GDPD1: variants seen among roughly 807,000 people sequenced by gnomAD.
GDPD1 encodes the protein lysophospholipase D GDPD1.
In GDPD1, 28 loss-of-function variants were observed where a neutral mutation model predicts 45.1. That is an observed-to-expected ratio of 0.62 (90% CI 0.46 to 0.85). GDPD1 has a LOEUF of 0.85. Ranked by LOEUF, GDPD1 falls within the 40% of genes least tolerant of loss-of-function variation. The pLI, the probability that GDPD1 is intolerant of heterozygous loss-of-function variation, is 0.00. For missense variants in GDPD1, 256 were observed against 364.8 expected (o/e 0.70, Z 2.43); for synonymous variants, 139 against 131.4 (o/e 1.06, Z -0.40).
At chr17:59,252,485 C>G (rs1056005495) in intron 4 of GDPD1, among the ~76,000 whole-genome samples, 1 of 151,834 alleles carries the variant, frequency 6.6e-6, no homozygotes, top group Non-Finnish European at 1.5e-5. Flanking sequence ...GTGATCCACC[C>G]ACATCAGCGT....
At chr17:59,241,746 G>A (rs1184638156) in intron 2 of GDPD1, among the ~76,000 whole-genome samples, 1 of 151,950 alleles carries the variant, frequency 6.6e-6, no homozygotes, top group African/African-American at 2.4e-5. Context: ...CTGGCCACAT[G>A]GTGAAACCTC....
intron 1 of GDPD1, among the ~76,000 whole-genome samples, chr17:59,231,865 C>T (rs111638832): frequency 0.18 from 27,056 of 151,896 alleles, 2,529 homozygotes; most frequent in East Asian, 0.27. Flanking sequence ...TGGGCTCAAG[C>T]GATCTTTCTA....
chr17:59,233,373 G>T (rs1169472610), intron 1 of GDPD1, among the ~76,000 whole-genome samples: 1 of 151,936 alleles, frequency 6.6e-6, no homozygotes, highest in African/African-American at 2.4e-5. Flanking sequence ...TTAGCCGGGC[G>T]TGGTGGTGGG....
intron 4 of GDPD1, among the ~76,000 whole-genome samples, chr17:59,251,618 A>G (rs1466404330): frequency 6.6e-6 from 1 of 152,148 alleles, no homozygotes; most frequent in Non-Finnish European, 1.5e-5. Flanking sequence ...CTTTCATTTT[A>G]TATTGCATTC....
Position 59,220,672 on chromosome 17 carries a change from C to A in GDPD1, c.63C>A (p.Phe21Leu). 4.3e-6 allele frequency: 7 copies of A among 1,614,098 alleles called. No homozygotes were observed. Among genetic ancestry groups the A allele is most frequent in the Non-Finnish European group, 5.9e-6 (7 of 1,179,960 alleles). Residue 21 changes from phenylalanine (F) to leucine (L), a missense_variant, in exon 1 of 10, where the codon TTC becomes TTA. By Grantham distance (22) the Phe-to-Leu change is conservative. Coordinates refer to ENST00000284116, the MANE Select transcript of GDPD1 (RefSeq NM_182569.4). ...TAGGAGGATACTTGGTGACCTCATT[C>A]TTGTTGCTTAAATACCCGACCTTGC... Reference protein sequence around the residue: ...STLGGYLVTSFLLLKYPTLLH... With the variant: ...STLGGYLVTSLLLLKYPTLLH...
At chr17:59,256,863 T>C (rs1009569973) in intron 4 of GDPD1, among the ~76,000 whole-genome samples, 1 of 152,192 alleles carries the variant, frequency 6.6e-6, no homozygotes, top group African/African-American at 2.4e-5. Flanking sequence ...TTTATTTTTA[T>C]GTGAAAATAT....
At chr17:59,253,937 G>A (rs539251964) in intron 4 of GDPD1, among the ~76,000 whole-genome samples, 1 of 151,780 alleles carries the variant, frequency 6.6e-6, no homozygotes, top group South Asian at 2.1e-4. Context: ...ATGTTGGGTA[G>A]GTAAAAAACA....
chr17:59,254,884 G>A (rs1477657190), intron 4 of GDPD1, among the ~76,000 whole-genome samples: 5 of 152,096 alleles, frequency 3.3e-5, no homozygotes, highest in African/African-American at 1.2e-4. Flanking sequence ...AGGATTTCAA[G>A]AGGCTTCTCT....
At chr17:59,239,212 A>AT (rs1324868681) in intron 2 of GDPD1, among the ~76,000 whole-genome samples, 1 of 152,238 alleles carries the variant, frequency 6.6e-6, no homozygotes, top group African/African-American at 2.4e-5. Flanking sequence ...TGAAATGGGA[A>AT]TAGTGATACA....
intron 6 of GDPD1, among the ~76,000 whole-genome samples, chr17:59,259,566 C>CAAAAAAAAA (rs71367681): frequency 0.02 from 481 of 24,458 alleles, no homozygotes; most frequent in Middle Eastern, 0.062. Context: ...GACTCTGTCT[C>CAAAAAAAAA]AAAAAAAAAA....
chr17:59,227,615 T>C (rs1312219603), intron 1 of GDPD1, among the ~76,000 whole-genome samples: 1 of 152,100 alleles, frequency 6.6e-6, no homozygotes, highest in Admixed American at 6.6e-5. Context: ...TACCAGTTAC[T>C]ATGATAATGG....
chr17:59,275,406 G>A lies in GDPD1; in HGVS notation c.*1633G>A, dbSNP rs986251573. On this transcript the variant is annotated 3_prime_UTR_variant, in exon 10 of 10. Transcript: ENST00000284116. ...ACATTCTATTTGAGACCTTTTTCAG[G>A]TGTGTAGCAATTCTACCATGTCCAT... is the stretch of plus-strand genomic sequence containing the variant. 2.3e-6 allele frequency: 1 copy of A among 435,004 alleles called. No individual in the cohort carries two copies. Among genetic ancestry groups the A allele is most frequent in the Non-Finnish European group, 4.2e-6 (1 of 239,934 alleles). The allele number at this position is 435,004 out of a possible 1,614,324, so 26.9% of individuals were successfully genotyped here. A position where few individuals can be genotyped will look rare whatever the true frequency, so the allele number is the denominator to read the frequency against.
At chr17:59,234,401 A>AAG in intron 1 of GDPD1, 91 bp from the exon 2 acceptor site, 3 of 711,340 alleles carry the variant, frequency 4.2e-6, no homozygotes, top group Non-Finnish European at 7.2e-6. Context: ...AAAAAAAAAA[A>AAG]GGTCAAGATT....
intron 2 of GDPD1, among the ~76,000 whole-genome samples, chr17:59,236,873 C>T (rs1177821163): frequency 1.3e-5 from 2 of 151,986 alleles, no homozygotes; most frequent in African/African-American, 4.8e-5. Flanking sequence ...ATCAACTGAC[C>T]TAGAAATTTA....
At chr17:59,271,846 G>A (rs773935046) in intron 8 of GDPD1, among the ~76,000 whole-genome samples, 7 of 151,854 alleles carry the variant, frequency 4.6e-5, no homozygotes, top group Admixed American at 3.3e-4. Flanking sequence ...TGTTGGCCAG[G>A]CTGATCTCGA....
intron 5 of GDPD1, 41 bp from the exon 6 acceptor site, chr17:59,257,710 C>A: frequency 7.9e-7 from 1 of 1,263,538 alleles, no homozygotes. Flanking sequence ...AGTGGATTTG[C>A]AAATAGGCAC....
chr17:59,257,271 T>C (rs774219592), intron 5 of GDPD1, 31 bp downstream of exon 5: 1 of 1,097,972 alleles, frequency 9.1e-7, no homozygotes, highest in Non-Finnish European at 1.4e-6. Flanking sequence ...TCTGGGTGTG[T>C]TGCATCCTAT....
At chr17:59,266,202 CAT>C (rs1468439202) in intron 6 of GDPD1, among the ~76,000 whole-genome samples, 1 of 151,904 alleles carries the variant, frequency 6.6e-6, no homozygotes, top group African/African-American at 2.4e-5. Flanking sequence ...GCCTGGCCAA[CAT>C]GGTGAAACCA....
chr17:59,252,640 G>A (rs578153568), intron 4 of GDPD1, among the ~76,000 whole-genome samples: 1 of 152,158 alleles, frequency 6.6e-6, no homozygotes, highest in Admixed American at 6.6e-5. Flanking sequence ...AGATGTTGCA[G>A]TGAGCAGAGA....
Sources: gnomAD v4.1 joint callset for allele counts (sites outside exome capture counted in the v4.1 genomes callset) on GRCh38, gnomAD v4.1.1 for gene constraint, MANE v1.5 for transcripts, NCBI Gene and HGNC (gene_info 2026-07-23, HGNC 2026-07-21) for gene names.